Variants in LRRC23 observed in about 807,000 individuals in gnomAD.
LRRC23 encodes the protein leucine-rich repeat-containing protein 23.
LRRC23 carries 28 observed loss-of-function variants against 37.7 expected under a neutral mutation model. That is an observed-to-expected ratio of 0.74 (90% CI 0.55 to 1.02). LRRC23 has a LOEUF of 1.02. Among genes scored for constraint, LRRC23 ranks in the 50% least tolerant of loss-of-function variants. The probability of loss-of-function intolerance (pLI) is 0.00; values close to 1 mark genes in which losing one functional copy is unlikely to be tolerated. For synonymous variants in LRRC23, 161 were observed against 165.4 expected, an observed-to-expected ratio of 0.97 and a Z score of 0.20; for missense variants, 377 against 413.2, an observed-to-expected ratio of 0.91 and a Z score of 0.76.
intron 5 of LRRC23, among the ~76,000 whole-genome samples, chr12:6,909,030 A>G (rs1387016699): frequency 3.2e-5 from 3 of 93,096 alleles, no homozygotes; most frequent in Non-Finnish European, 6.2e-5. Context: ...ACCGATATAT[A>G]TATTATATAT....
At position 6,913,895 on chromosome 12, in the gene LRRC23, T is replaced by C. The variant is rs1555141190; in HGVS notation, c.*29T>C. The C allele has an allele frequency of 5.0e-6, 8 of 1,588,132 alleles. No homozygotes were observed. Among genetic ancestry groups the C allele is most frequent in the African/African-American group, 1.4e-5 (1 of 73,648 alleles). ...ACTTCTGTCTTCTACCTCCAGGAGA[T>C]CAAAGACGCTGGCCTTCAGACCTGA... On this transcript the variant is annotated 3_prime_UTR_variant, in exon 8 of 8. Transcript: ENST00000443597.
Position 6,913,966 on chromosome 12 carries a change from G to T in LRRC23, c.*100G>T. 6.2e-7 allele frequency: 1 copy of T among 1,613,948 alleles called. No homozygotes were observed. The highest frequency in any genetic ancestry group is 1.1e-5 in the South Asian group (1 of 91,076). On this transcript the variant is annotated 3_prime_UTR_variant, in exon 8 of 8. Transcript: ENST00000443597. Reference sequence around the variant, plus strand: ...ACCACATGTATGACAGAGAACAGAGGATGCCTGTTTTTGCCCCAAAGCTGG... The same window carrying T: ...ACCACATGTATGACAGAGAACAGAGTATGCCTGTTTTTGCCCCAAAGCTGG...
Position 6,907,465 on chromosome 12 carries a change from G to A in LRRC23, c.621+20G>A. On this transcript the variant is annotated intron_variant, in intron 5 of 7. Transcript: ENST00000443597. ...TACCTGGTAGCTCACTGGGTCAGAG[G>A]GTGGTGCAGGGAAGAGGGCACTGTC... is the stretch of plus-strand genomic sequence containing the variant. The A allele has an allele frequency of 9.3e-6, 15 of 1,613,974 alleles. No individual in the cohort carries two copies. Among genetic ancestry groups the A allele is most frequent in the Non-Finnish European group, 1.2e-5 (14 of 1,179,948 alleles).
chr12:6,910,807 C>T (rs1945138861), intron 6 of LRRC23, among the ~76,000 whole-genome samples: 1 of 151,784 alleles, frequency 6.6e-6, no homozygotes, highest in Non-Finnish European at 1.5e-5. Flanking sequence ...GTTTCAGCTA[C>T]TCAGGAGGCT....
At chr12:6,909,319 TTATATATAA>T (rs1232471702) in intron 5 of LRRC23, among the ~76,000 whole-genome samples, 3 of 14,448 alleles carry the variant, frequency 2.1e-4, no homozygotes, top group African/African-American at 1.7e-3. Context: ...ATAGTATATA[TTATATATAA>T]TATATATAAT....
Position 6,907,456 on chromosome 12 carries a change from G to C in LRRC23, c.621+11G>C, listed in dbSNP as rs1944975501. 1 of 1,613,900 alleles carries C rather than the reference G, an allele frequency of 6.2e-7. No individual in the cohort carries two copies. Among genetic ancestry groups the C allele is most frequent in the Non-Finnish European group, 8.5e-7 (1 of 1,179,978 alleles). ...AAGAACCTCTACCTGGTAGCTCACT[G>C]GGTCAGAGGGTGGTGCAGGGAAGAG... On this transcript the variant is annotated intron_variant, in intron 5 of 7. Transcript: ENST00000443597.
intron 5 of LRRC23, 159 bp downstream of exon 5, chr12:6,907,604 C>A: frequency 1.3e-6 from 1 of 754,954 alleles, no homozygotes; most frequent in Non-Finnish European, 2.3e-6. Context: ...TGGAGATACA[C>A]AGCCACCTAG....
intron 6 of LRRC23, among the ~76,000 whole-genome samples, chr12:6,912,261 C>T (rs1278174225): frequency 6.6e-6 from 1 of 152,138 alleles, no homozygotes; most frequent in Non-Finnish European, 1.5e-5. Flanking sequence ...GCAATCCCTC[C>T]TCCTCAGCTA....
At chr12:6,908,596 C>CAAAAAAAAA (rs61662814) in intron 5 of LRRC23, among the ~76,000 whole-genome samples, 30 of 31,090 alleles carry the variant, frequency 9.6e-4, no homozygotes, top group African/African-American at 2.9e-3. Flanking sequence ...GACTCCATCT[C>CAAAAAAAAA]AAAAAAAAAA....
Position 6,905,717 on chromosome 12 carries a change from G to A in LRRC23, c.84G>A (p.Glu28=), listed in dbSNP as rs1944924796. Residue 28 remains glutamate (E), a synonymous_variant, in exon 2 of 8, where the codon GAG becomes GAA. Transcript: ENST00000443597. ...EKEEDEKETE[E]GEDYRKEGEE... is the part of the protein sequence containing the mutation. ...AAGAGGACGAGAAGGAGACAGAGGAGGGGGAGGACTACAGAAAAGAGGGGG... is the reference window on the plus strand; with the variant it reads ...AAGAGGACGAGAAGGAGACAGAGGAAGGGGAGGACTACAGAAAAGAGGGGG... 1 of 1,613,538 alleles carries A rather than the reference G, an allele frequency of 6.2e-7. No individual in the cohort carries two copies. Among genetic ancestry groups the A allele is most frequent in the African/African-American group, 1.3e-5 (1 of 74,926 alleles).
chr12:6,911,293 A>G (rs1945154230), intron 6 of LRRC23, among the ~76,000 whole-genome samples: 1 of 152,284 alleles, frequency 6.6e-6, no homozygotes, highest in African/African-American at 2.4e-5. Flanking sequence ...TGAGCTGGTA[A>G]TGGAAAGAGC....
intron 6 of LRRC23, 149 bp from the exon 7 acceptor site, chr12:6,912,581 G>A (rs1450259749): frequency 1.8e-5 from 13 of 722,554 alleles, no homozygotes; most frequent in Non-Finnish European, 3.1e-5. Context: ...CAGCACCTCT[G>A]CAGTAAATCT....
Position 6,906,681 on chromosome 12 carries a change from C to T in LRRC23, c.490+19C>T, listed in dbSNP as rs1555139689. On this transcript the variant is annotated intron_variant, in intron 4 of 7. Coordinates refer to ENST00000443597, the MANE Select transcript of LRRC23 (RefSeq NM_001135217.2). ...CTCAAAGGTGGGTCTTTAGGATGGG[C>T]TACACAAGATTCTTTCCTTCCTAGC... The T allele has an allele frequency of 3.1e-6, 5 of 1,611,144 alleles. No homozygotes were observed. The highest frequency in any genetic ancestry group is 1.7e-5 in the Admixed American group (1 of 59,900).
At chr12:6,906,002 T>G in intron 3 of LRRC23, 48 bp downstream of exon 3, 1 of 1,469,978 alleles carries the variant, frequency 6.8e-7, no homozygotes, top group Non-Finnish European at 9.5e-7. Flanking sequence ...GTAGGGCCCC[T>G]ATCTCCTTTC....
intron 7 of LRRC23, among the ~76,000 whole-genome samples, chr12:6,913,555 GT>G (rs869177982): frequency 1.2e-4 from 9 of 76,390 alleles, no homozygotes; most frequent in South Asian, 4.7e-4. Context: ...ACCTCTGTTT[GT>G]TTTTTTTTTT....
rs781838191 is a variant in LRRC23 at position 6,912,864 on chromosome 12, A to G, written c.893A>G (p.Tyr298Cys). 1.2e-6 allele frequency: 2 copies of G among 1,614,138 alleles called. No individual in the cohort carries two copies. The highest frequency in any genetic ancestry group is 1.7e-6 in the Non-Finnish European group (2 of 1,180,026). Residue 298 changes from tyrosine (Y) to cysteine (C), a missense_variant, in exon 7 of 8, where the codon TAC becomes TGC. Physicochemically the swap from Tyr to Cys is radical, Grantham distance 194 (BLOSUM62 -2). Transcript: ENST00000443597. ...YRQEALVQMPYLERLDKEFYE... is the reference protein window; with the variant it reads ...YRQEALVQMPCLERLDKEFYE... ...CAGGAGGCCCTGGTGCAGATGCCAT[A>G]CCTTGAACGCCTGGACAAGGAATTC...
rs1446031395 is a variant in LRRC23, at chr12:6,908,270, A to C, written c.621+825A>C. 3.3e-5 allele frequency among the ~76,000 whole-genome samples: 5 copies of C among 151,960 alleles called. 1 individual carries two copies. The highest frequency in any genetic ancestry group is 7.4e-5 in the Non-Finnish European group (5 of 67,996). ...GATCTTAGTATTCCTTCCCCCAGGA[A>C]ACTGGGGAGGCTGTCGCTGGGGAGG... is the stretch of plus-strand genomic sequence containing the variant. On this transcript the variant is annotated intron_variant, in intron 5 of 7. Coordinates refer to ENST00000443597, the MANE Select transcript of LRRC23 (RefSeq NM_001135217.2).
intron 3 of LRRC23, 49 bp from the exon 4 acceptor site, chr12:6,906,360 T>C (rs782444368): frequency 1.9e-6 from 3 of 1,586,332 alleles, no homozygotes; most frequent in Admixed American, 3.4e-5. Flanking sequence ...CAGTCCTCAC[T>C]GGGTGCTTAA....
At chr12:6,907,204 G>A (rs1244023457) in intron 4 of LRRC23, 111 bp from the exon 5 acceptor site, 1 of 1,329,078 alleles carries the variant, frequency 7.5e-7, no homozygotes, top group African/African-American at 1.5e-5. Flanking sequence ...GCCTTCCTCA[G>A]TATCTACCCT....
Sources: gnomAD v4.1 joint callset for allele counts (sites outside exome capture counted in the v4.1 genomes callset) on GRCh38, gnomAD v4.1.1 for gene constraint, MANE v1.5 for transcripts, NCBI Gene and HGNC (gene_info 2026-07-23, HGNC 2026-07-21) for gene names.